ZNF609: variants seen among roughly 807,000 people sequenced by gnomAD.
ZNF609 encodes the protein zinc finger protein 609.
In ZNF609, 11 loss-of-function variants were observed where a neutral mutation model predicts 109.5. That is an observed-to-expected ratio of 0.10 (90% confidence interval 0.06 to 0.17). ZNF609 has a LOEUF of 0.17. Ranked by LOEUF, ZNF609 falls within the 10% of genes least tolerant of loss-of-function variation. The pLI is 1.00. For synonymous variants in ZNF609, 646 were observed against 662.0 expected, an observed-to-expected ratio of 0.98 and a Z score of 0.37; for missense variants, 1,559 against 1,772.4, an observed-to-expected ratio of 0.88 and a Z score of 2.16.
At position 64,670,046 on chromosome 15, in the gene ZNF609, G is replaced by A. The variant is rs539721346; in HGVS notation, c.974-300G>A. Among the ~76,000 whole-genome samples, 23 of 152,260 alleles carry A rather than the reference G, an allele frequency of 1.5e-4. No individual in the cohort carries two copies. The South Asian group carries it at 3.5e-3, about 23-fold the overall frequency. On this transcript the variant is annotated intron_variant, in intron 3 of 9. Coordinates refer to ENST00000326648, the MANE Select transcript of ZNF609 (RefSeq NM_015042.2). ...GCTACTTGGGAGACTGAGGTGGGAC[G>A]ATCGCTTGAGGCTGTACTCCAGCCT...
chr15:64,495,465 C>T (rs747492128), intron 1 of ZNF609, among the ~76,000 whole-genome samples: 5 of 152,120 alleles, frequency 3.3e-5, no homozygotes, highest in Non-Finnish European at 7.3e-5. Context: ...ACAATCTTGG[C>T]TCACTGCAAC....
chr15:64,525,865 T>C (rs1274460071), intron 2 of ZNF609, among the ~76,000 whole-genome samples: 1 of 151,924 alleles, frequency 6.6e-6, no homozygotes, highest in Non-Finnish European at 1.5e-5. Flanking sequence ...CTTGGATCAC[T>C]GCAACCTCCA....
At chr15:64,575,318 G>C (rs574293707) in intron 2 of ZNF609, among the ~76,000 whole-genome samples, 1 of 152,088 alleles carries the variant, frequency 6.6e-6, no homozygotes, top group African/African-American at 2.4e-5. Flanking sequence ...CAGCTACTCA[G>C]GAGGCTGAGG....
chr15:64,532,359 C>G (rs1595709595), intron 2 of ZNF609, among the ~76,000 whole-genome samples: 1 of 152,122 alleles, frequency 6.6e-6, no homozygotes, highest in East Asian at 1.9e-4. Flanking sequence ...AATGTAAACT[C>G]TACCAAGGCA....
At chr15:64,470,469 G>C (rs1336532376) in intron 1 of ZNF609, 1 of 151,476 alleles carries the variant, frequency 6.6e-6, no homozygotes, top group Non-Finnish European at 1.5e-5. Flanking sequence ...TGGTTGGTAA[G>C]TGTTTCAGGA....
chr15:64,602,889 ATTTTTTTTTTTTTTTT>A (rs10600562), intron 2 of ZNF609, among the ~76,000 whole-genome samples: 3 of 75,174 alleles, frequency 4.0e-5, no homozygotes, highest in African/African-American at 5.6e-5. Flanking sequence ...CTCTGGGCTA[ATTTTTTTTTTTTTTTT>A]TTTTTTTTTT....
chr15:64,467,637 G>C (rs1398740138), intron 1 of ZNF609, among the ~76,000 whole-genome samples: 1 of 152,232 alleles, frequency 6.6e-6, no homozygotes, highest in Non-Finnish European at 1.5e-5. Flanking sequence ...ATGAGGTCAA[G>C]AGATCGAGAC....
chr15:64,639,088 G>A (rs1237276935), intron 3 of ZNF609, among the ~76,000 whole-genome samples: 4 of 151,896 alleles, frequency 2.6e-5, no homozygotes, highest in East Asian at 3.9e-4. Context: ...AGTGAGACCC[G>A]TCTTTATTTA....
chr15:64,622,724 C>T (rs1339823192), intron 2 of ZNF609, 103 bp from the exon 3 acceptor site: 8 of 977,418 alleles, frequency 8.2e-6, no homozygotes, highest in Non-Finnish European at 1.3e-5. Context: ...TAGCCGTCTG[C>T]ACTCTGGCAG....
intron 1 of ZNF609, among the ~76,000 whole-genome samples, chr15:64,478,794 C>T (rs982914586): frequency 1.2e-4 from 19 of 152,146 alleles, no homozygotes; most frequent in African/African-American, 4.6e-4. Flanking sequence ...TTACCTTTCT[C>T]TGGGAGGGTT....
chr15:64,471,686 C>T (rs1446111866), intron 1 of ZNF609, among the ~76,000 whole-genome samples: 7 of 152,152 alleles, frequency 4.6e-5, no homozygotes, highest in East Asian at 3.9e-4. Flanking sequence ...CGGTTTCAGG[C>T]GATTCTCCTG....
intron 2 of ZNF609, among the ~76,000 whole-genome samples, chr15:64,619,884 G>A (rs902085658): frequency 1.3e-5 from 2 of 152,234 alleles, no homozygotes; most frequent in Non-Finnish European, 2.9e-5. Context: ...GGATTTCTTG[G>A]TGCAAAACTG....
At chr15:64,556,990 A>C (rs1351952269) in intron 2 of ZNF609, among the ~76,000 whole-genome samples, 1 of 152,178 alleles carries the variant, frequency 6.6e-6, no homozygotes, top group Non-Finnish European at 1.5e-5. Context: ...TCCAAAATGT[A>C]AGCTCATTTA....
At chr15:64,592,938 TAAAAA>T in intron 2 of ZNF609, 1 of 849,194 alleles carries the variant, frequency 1.2e-6, no homozygotes, top group Non-Finnish European at 1.9e-6. Flanking sequence ...ATAAATAAAA[TAAAAA>T]TAATGTTTTT....
Position 64,463,007 on chromosome 15 carries a change from A to G in ZNF609, c.-128+2169A>G, listed in dbSNP as rs531677826. Reference sequence around the variant, plus strand: ...TGGTGCTCACACCTGTAATCCCAGCACTTTGGGAGGCTGAGGCAGGAGGAT... The same window carrying G: ...TGGTGCTCACACCTGTAATCCCAGCGCTTTGGGAGGCTGAGGCAGGAGGAT... On this transcript the variant is annotated intron_variant, in intron 1 of 9. Transcript: ENST00000326648. Among the ~76,000 whole-genome samples the G allele has an allele frequency of 3.1e-4, 47 of 152,294 alleles. 1 individual carries two copies. The highest frequency in any genetic ancestry group is 1.0e-3 in the African/African-American group (42 of 41,558).
chr15:64,679,242 T>C (rs1896847115), intron 6 of ZNF609, among the ~76,000 whole-genome samples: 1 of 152,146 alleles, frequency 6.6e-6, no homozygotes, highest in Non-Finnish European at 1.5e-5. Context: ...CTGGCTAATT[T>C]TGTATTTTTA....
intron 3 of ZNF609, among the ~76,000 whole-genome samples, chr15:64,665,778 T>C (rs1374861148): frequency 6.6e-6 from 1 of 152,004 alleles, no homozygotes; most frequent in African/African-American, 2.4e-5. Context: ...TGGTGGTACA[T>C]GCCTGTAATC....
chr15:64,464,489 TG>T (rs1892984065), intron 1 of ZNF609, among the ~76,000 whole-genome samples: 1 of 152,212 alleles, frequency 6.6e-6, no homozygotes, highest in Middle Eastern at 3.2e-3. Context: ...GCCAGGCAGA[TG>T]GGATTAGCCT....
At chr15:64,657,103 C>G (rs1426645835) in intron 3 of ZNF609, among the ~76,000 whole-genome samples, 1 of 151,136 alleles carries the variant, frequency 6.6e-6, no homozygotes, top group Admixed American at 6.6e-5. Flanking sequence ...ACTAAAAATA[C>G]AAAAAATTAG....
Sources: gnomAD v4.1 joint callset for allele counts (sites outside exome capture counted in the v4.1 genomes callset) on GRCh38, gnomAD v4.1.1 for gene constraint, MANE v1.5 for transcripts, NCBI Gene and HGNC (gene_info 2026-07-23, HGNC 2026-07-21) for gene names.